Variants in CACNB3 observed in about 807,000 individuals in gnomAD.
CACNB3 encodes the protein voltage-dependent L-type calcium channel subunit beta-3.
CACNB3 carries 36 observed loss-of-function variants against 63.7 expected under a neutral mutation model. The observed-to-expected ratio is 0.57, with a 90% CI of 0.43 to 0.75. CACNB3 has a LOEUF of 0.75. Ranked by LOEUF, CACNB3 falls within the 30% of genes least tolerant of loss-of-function variation. The probability of loss-of-function intolerance (pLI) is 0.00; values close to 1 mark genes in which losing one functional copy is unlikely to be tolerated. For synonymous variants in CACNB3, 241 were observed against 250.6 expected, an observed-to-expected ratio of 0.96 and a Z score of 0.36; for missense variants, 493 against 648.6, an observed-to-expected ratio of 0.76 and a Z score of 2.61.
upstream of CACNB3, chr12:48,818,406 A>G: frequency 6.2e-6 from 6 of 972,654 alleles, no homozygotes; most frequent in Non-Finnish European, 6.1e-6. This position sits in a 1 kb window ranked among gnomAD's most constrained non-coding sequence, Gnocchi z 4.3. Flanking sequence ...CCGGCGGAGT[A>G]GTTCCTGGGT....
In CACNB3 at chr12:48,823,575, G is replaced by T; in HGVS notation, c.169-106G>T. 6.3e-7 allele frequency: 1 copy of T among 1,599,678 alleles called. No individual in the cohort carries two copies. The highest frequency in any genetic ancestry group is 1.3e-5 in the African/African-American group (1 of 74,834). ...GGCAGGATGTCCTTGAGTGTGAGAG[G>T]GTGTGTGTGATGGGCAGAGGCCACG... On this transcript the variant is annotated intron_variant, in intron 2 of 12. Coordinates refer to ENST00000301050, the MANE Select transcript of CACNB3 (RefSeq NM_000725.4). The surrounding 1 kb of genome is among the most constrained non-coding windows in gnomAD (Gnocchi z 4.2).
chr12:48,827,932 G>C lies in CACNB3; in HGVS notation c.*33G>C. On this transcript the variant is annotated 3_prime_UTR_variant, in exon 13 of 13. Transcript: ENST00000301050. ...CTGCTGCCCTACCCTGGCAGGCACAGGCGCAGCTGGCTGGGGGGCCCACTC... is the reference window on the plus strand; with the variant it reads ...CTGCTGCCCTACCCTGGCAGGCACACGCGCAGCTGGCTGGGGGGCCCACTC... 6.3e-7 allele frequency: 1 copy of C among 1,578,798 alleles called. No individual in the cohort carries two copies. The highest frequency in any genetic ancestry group is 8.7e-7 in the Non-Finnish European group (1 of 1,154,634).
At chr12:48,821,544 G>C (rs1028498437) in intron 1 of CACNB3, 4 of 152,192 alleles carry the variant, frequency 2.6e-5, no homozygotes, top group African/African-American at 9.7e-5. Flanking sequence ...AGCACAGGCA[G>C]AAAAGGTCAG....
upstream of CACNB3, among the ~76,000 whole-genome samples, chr12:48,816,578 G>A (rs2137433211): frequency 6.6e-6 from 1 of 152,330 alleles, no homozygotes; most frequent in Middle Eastern, 3.4e-3. Context: ...AGAAGAAGGA[G>A]GGAAGCTCTG....
intron 12 of CACNB3, 62 bp downstream of exon 12, chr12:48,827,185 G>A: frequency 6.3e-7 from 1 of 1,580,378 alleles, no homozygotes; most frequent in Non-Finnish European, 8.6e-7. Flanking sequence ...GCCCCTCCCT[G>A]CCCAGAGGAC....
chr12:48,819,683 A>G (rs1937748919), intron 1 of CACNB3: 1 of 455,902 alleles, frequency 2.2e-6, no homozygotes, highest in Middle Eastern at 3.3e-4. Flanking sequence ...GCTCTTGCCC[A>G]GCATGGAGGG....
In CACNB3 at chr12:48,823,713, T is replaced by C; in HGVS notation, c.201T>C (p.Asn67=). ...HKPVAFAVRT[N]VSYCGVLDEE... is the part of the protein sequence containing the mutation. The stretch of plus-strand genomic sequence containing the variant: ...CTGTGGCATTTGCGGTGAGGACCAA[T>C]GTCAGCTACTGTGGCGTACTGGATG... Residue 67 remains asparagine, a synonymous_variant, in exon 3 of 13, where the codon AAT becomes AAC. Coordinates refer to ENST00000301050, the MANE Select transcript of CACNB3 (RefSeq NM_000725.4). This position sits in a 1 kb window ranked among gnomAD's most constrained non-coding sequence, Gnocchi z 4.2. 1 of 1,614,128 alleles carries C rather than the reference T, an allele frequency of 6.2e-7. No homozygotes were observed.
upstream of CACNB3, chr12:48,818,465 G>C: frequency 2.0e-6 from 2 of 992,214 alleles, no homozygotes; most frequent in African/African-American, 3.5e-5. The surrounding 1 kb of genome is among the most constrained non-coding windows in gnomAD (Gnocchi z 4.3). Context: ...CCTCCTCCCT[G>C]CCTGGATCCG....
In CACNB3 at chr12:48,823,809, C is replaced by T. The variant is rs536052641; in HGVS notation, c.291+6C>T. On this transcript the variant is annotated splice_donor_region_variant and intron_variant, in intron 3 of 12. Coordinates refer to ENST00000301050, the MANE Select transcript of CACNB3 (RefSeq NM_000725.4). This position sits in a 1 kb window ranked among gnomAD's most constrained non-coding sequence, Gnocchi z 4.2. ...ATTTTCTGCACATTAAAGAGGTGAT[C>T]GACCCCCCTACTTCCAGAAGCCTCT... 34 of 1,613,884 alleles carry T rather than the reference C, an allele frequency of 2.1e-5. 1 individual carries two copies. In the South Asian group the frequency reaches 2.9e-4, roughly 14 times the overall value.
At chr12:48,815,583 G>T, upstream of CACNB3, 1 of 1,527,858 alleles carries the variant, frequency 6.5e-7, no homozygotes, top group Non-Finnish European at 8.8e-7. Flanking sequence ...CGTGGGGCGA[G>T]GCCAGGCGTG....
At chr12:48,815,754 G>A, upstream of CACNB3, 2 of 1,233,470 alleles carry the variant, frequency 1.6e-6, no homozygotes, top group Non-Finnish European at 2.3e-6. Flanking sequence ...GTGTGGGGTC[G>A]TGGGAAGGGG....
chr12:48,828,145 C>G lies in CACNB3; in HGVS notation c.*246C>G, dbSNP rs1462563679. The G allele has an allele frequency of 5.3e-6, 3 of 564,002 alleles. No homozygotes were observed. The East Asian group carries it at 9.0e-5, about 17-fold the overall frequency. The allele number at this position is 564,002 out of a possible 1,614,324, so 34.9% of individuals were successfully genotyped here. On this transcript the variant is annotated 3_prime_UTR_variant, in exon 13 of 13. Transcript: ENST00000301050. Reference sequence around the variant, plus strand: ...AGGTACTAGCTGTGTGTTCTGCACCCCTGGCACCTTCCTCTCCTCCCACAC... The same window carrying G: ...AGGTACTAGCTGTGTGTTCTGCACCGCTGGCACCTTCCTCTCCTCCCACAC...
intron 1 of CACNB3, 64 bp downstream of exon 1, chr12:48,819,038 C>G (rs1202307690): frequency 2.6e-6 from 4 of 1,537,930 alleles, no homozygotes; most frequent in Admixed American, 3.7e-5. Context: ...CCCTTCAACC[C>G]TTTCCCCGGT....
At chr12:48,816,194 A>G (rs1045909129), upstream of CACNB3, among the ~76,000 whole-genome samples, 6 of 152,196 alleles carry the variant, frequency 3.9e-5, no homozygotes, top group African/African-American at 9.7e-5. Flanking sequence ...GCTTCCTGGT[A>G]CACTTAGAGG....
In CACNB3 at chr12:48,824,461, C is replaced by A. The variant is rs2137458292; in HGVS notation, c.407+88C>A. On this transcript the variant is annotated intron_variant, in intron 4 of 12. Coordinates refer to ENST00000301050, the MANE Select transcript of CACNB3 (RefSeq NM_000725.4). Reference sequence around the variant, plus strand: ...CGTCACCATGCATGCCATACACATGCATATCCCCCTGAAATACACATACAC... The same window carrying A: ...CGTCACCATGCATGCCATACACATGAATATCCCCCTGAAATACACATACAC... 4.9e-6 allele frequency: 6 copies of A among 1,215,188 alleles called. No individual in the cohort carries two copies. In the East Asian group the frequency reaches 1.5e-4, roughly 31 times the overall value. 75.3% of individuals were successfully genotyped at this position (1,215,188 alleles called of 1,614,324 possible). A position where few individuals can be genotyped will look rare whatever the true frequency, so the allele number is the denominator to read the frequency against.
upstream of CACNB3, chr12:48,815,753 C>T (rs1159969367): frequency 8.4e-5 from 45 of 537,490 alleles, no homozygotes; most frequent in Non-Finnish European, 1.1e-4. Flanking sequence ...GGTGTGGGGT[C>T]GTGGGAAGGG....
chr12:48,823,292 A>G lies in CACNB3; in HGVS notation c.46-52A>G, dbSNP rs1702685882. ...ACTGTAAGGTGAGGAGGGTGCCTCC[A>G]TGGCATCCTTCATGCCGGAGCCTGG... On this transcript the variant is annotated intron_variant, in intron 1 of 12. Transcript: ENST00000301050. The surrounding 1 kb of genome is among the most constrained non-coding windows in gnomAD (Gnocchi z 4.2). 14 of 1,597,982 alleles carry G rather than the reference A, an allele frequency of 8.8e-6. No individual in the cohort carries two copies. The highest frequency in any genetic ancestry group is 9.4e-6 in the Non-Finnish European group (11 of 1,171,674).
In CACNB3 at chr12:48,824,379, A is replaced by G; in HGVS notation, c.407+6A>G. On this transcript the variant is annotated splice_donor_region_variant and intron_variant, in intron 4 of 12. Coordinates refer to ENST00000301050, the MANE Select transcript of CACNB3 (RefSeq NM_000725.4). The stretch of plus-strand genomic sequence containing the variant: ...AAACAGGAGCAGAAGGCCAGGTGAG[A>G]GTTGGGCCATGAGTCAGTAAACACA... The G allele has an allele frequency of 1.3e-6, 2 of 1,598,670 alleles. No individual in the cohort carries two copies. Among genetic ancestry groups the G allele is most frequent in the Non-Finnish European group, 1.7e-6 (2 of 1,172,878 alleles).
At position 48,824,686 on chromosome 12, in the gene CACNB3, C is replaced by G; in HGVS notation, c.425C>G (p.Ser142Cys). The G allele has an allele frequency of 1.2e-6, 2 of 1,613,866 alleles. No individual in the cohort carries two copies. The highest frequency in any genetic ancestry group is 1.7e-6 in the Non-Finnish European group (2 of 1,179,948). The change falls in exon 5 of 13, where the codon TCC becomes TGC. Residue 142 changes from serine to cysteine, a missense_variant. Ser to Cys is a moderately radical substitution (Grantham distance 112, BLOSUM62 -1). Coordinates refer to ENST00000301050, the MANE Select transcript of CACNB3 (RefSeq NM_000725.4). ...CTTCTCAGGAGATCTGGGAACCCTT[C>G]CAGCCTGAGTGACATTGGCAACCGA... ...EQKARRSGNP[S>C]SLSDIGNRRS...
Sources: allele counts gnomAD v4.1 joint callset (sites outside exome capture counted in the v4.1 genomes callset), GRCh38; gene constraint gnomAD v4.1.1; non-coding constraint Gnocchi (gnomAD v3.1); transcripts MANE v1.5; gene names NCBI Gene and HGNC (gene_info 2026-07-23, HGNC 2026-07-21).